DLG2: variants seen among roughly 807,000 people sequenced by gnomAD.
DLG2 encodes disks large homolog 2.
Under a neutral mutation model 132.5 loss-of-function variants are expected in DLG2, and 45 were observed. The ratio of observed to expected loss-of-function variants is 0.34; its 90% CI spans 0.27 to 0.44. The LOEUF (loss-of-function observed/expected upper bound fraction) is 0.44, where lower values mean the gene tolerates loss of function less well. Ranked by LOEUF, DLG2 falls within the 20% of genes least tolerant of loss-of-function variation. DLG2 has a pLI of 1.00. For missense variants in DLG2, 1,045 were observed against 1,196.9 expected (o/e 0.87, Z 1.87); for synonymous variants, 424 against 419.6 (o/e 1.01, Z -0.13).
intron 6 of DLG2, among the ~76,000 whole-genome samples, chr11:84,987,443 A>C (rs2056620296): frequency 6.6e-6 from 1 of 152,134 alleles, no homozygotes; most frequent in African/African-American, 2.4e-5. Context: ...GGAAGCAAAA[A>C]AGAGCCTGCA....
At chr11:84,973,847 T>C (rs903886621) in intron 6 of DLG2, among the ~76,000 whole-genome samples, 5 of 152,182 alleles carry the variant, frequency 3.3e-5, no homozygotes, top group Non-Finnish European at 7.3e-5. Context: ...TTATAGATAC[T>C]GAAATTTGAA....
At chr11:85,170,491 G>A (rs1176266717) in intron 4 of DLG2, among the ~76,000 whole-genome samples, 1 of 152,060 alleles carries the variant, frequency 6.6e-6, no homozygotes, top group Non-Finnish European at 1.5e-5. Flanking sequence ...AAAATAGTGG[G>A]GAAAGGTGAA....
intron 18 of DLG2, among the ~76,000 whole-genome samples, chr11:83,756,847 A>G (rs1225734563): frequency 6.8e-6 from 1 of 146,350 alleles, no homozygotes; most frequent in East Asian, 1.9e-4. Flanking sequence ...TTTGTATGAG[A>G]AAAACCCATT....
chr11:85,471,691 G>C (rs1483254537), intron 3 of DLG2, among the ~76,000 whole-genome samples: 1 of 152,130 alleles, frequency 6.6e-6, no homozygotes, highest in Non-Finnish European at 1.5e-5. Context: ...GGAAGGTTAA[G>C]AGATACAGAA....
intron 6 of DLG2, among the ~76,000 whole-genome samples, chr11:84,730,115 G>T (rs1471536249): frequency 2.0e-5 from 3 of 151,882 alleles, no homozygotes; most frequent in Non-Finnish European, 2.9e-5. Flanking sequence ...AATAAAAGAA[G>T]AACTCTTCTT....
intron 3 of DLG2, among the ~76,000 whole-genome samples, chr11:85,558,749 A>G (rs746229335): frequency 4.0e-5 from 6 of 151,798 alleles, no homozygotes; most frequent in Non-Finnish European, 7.4e-5. Flanking sequence ...TTGGATACTC[A>G]TGGGCATAAA....
intron 19 of DLG2, 39 bp downstream of exon 19, chr11:83,633,172 G>A: frequency 2.5e-6 from 4 of 1,582,702 alleles, no homozygotes; most frequent in Non-Finnish European, 3.5e-6. Context: ...AAGTTGAATT[G>A]CTCACAAAGT....
intron 18 of DLG2, among the ~76,000 whole-genome samples, chr11:83,640,903 A>T (rs1454406853): frequency 6.6e-6 from 1 of 152,174 alleles, no homozygotes; most frequent in African/African-American, 2.4e-5. Flanking sequence ...TTGGGGTTCA[A>T]AGCAGTACCT....
chr11:85,037,914 A>T (rs954924711), intron 6 of DLG2, among the ~76,000 whole-genome samples: 18 of 152,158 alleles, frequency 1.2e-4, no homozygotes, highest in Non-Finnish European at 2.6e-4. Flanking sequence ...AGTATGTGGC[A>T]TATTGGAAAT....
At chr11:84,684,990 T>C (rs2099736818) in intron 6 of DLG2, among the ~76,000 whole-genome samples, 1 of 152,228 alleles carries the variant, frequency 6.6e-6, no homozygotes, top group Non-Finnish European at 1.5e-5. Flanking sequence ...TTATTTGCAA[T>C]TTATCTCTTT....
chr11:84,076,947 T>A (rs2096837869), intron 10 of DLG2, among the ~76,000 whole-genome samples: 1 of 152,214 alleles, frequency 6.6e-6, no homozygotes, highest in Admixed American at 6.5e-5. Context: ...CTCCTTTCTA[T>A]TCCTATTACA....
At position 85,561,331 on chromosome 11, in the gene DLG2, CAAAAAAAAAAAAAAAAAA is replaced by C. The variant is rs1162562595; in HGVS notation, c.40+37308_40+37325del. Among the ~76,000 whole-genome samples, 41 of 12,514 alleles carry C rather than the reference CAAAAAAAAAAAAAAAAAA, an allele frequency of 3.3e-3. 2 individuals carry two copies. The highest frequency in any genetic ancestry group is 0.022 in the Admixed American group (16 of 718). The allele number at this position is 12,514 out of a possible 152,430, so 8.2% of individuals were successfully genotyped here. The stretch of plus-strand genomic sequence containing the variant: ...TAGGTGACAGAGCAAGACCCTATCT[CAAAAAAAAAAAAAAAAAA>C]AAAAAAAAAAAAAAAAAAATAGCTG... On this transcript the variant is annotated intron_variant, in intron 3 of 27. Transcript: ENST00000376104.
intron 9 of DLG2, among the ~76,000 whole-genome samples, chr11:84,101,400 T>A (rs2092510502): frequency 6.6e-6 from 1 of 152,148 alleles, no homozygotes; most frequent in African/African-American, 2.4e-5. Context: ...CATTTTGGAT[T>A]TTAAATACTT....
intron 4 of DLG2, among the ~76,000 whole-genome samples, chr11:85,211,584 C>T (rs994667603): frequency 1.3e-5 from 2 of 152,070 alleles, no homozygotes; most frequent in African/African-American, 4.8e-5. Context: ...CTCAAGATTA[C>T]ACTGATTGGC....
chr11:84,642,838 G>T (rs1000227983), intron 6 of DLG2, among the ~76,000 whole-genome samples: 18 of 145,778 alleles, frequency 1.2e-4, no homozygotes, highest in African/African-American at 4.9e-4. Context: ...ACAAAGAAAA[G>T]ACAAAGTCTT....
intron 7 of DLG2, among the ~76,000 whole-genome samples, chr11:84,252,744 T>C (rs904319528): frequency 6.6e-6 from 1 of 152,166 alleles, no homozygotes; most frequent in Non-Finnish European, 1.5e-5. Context: ...ACAACAACTT[T>C]TGCTTTATCC....
chr11:83,948,114 C>G, intron 14 of DLG2, among the ~76,000 whole-genome samples: 1 of 152,104 alleles, frequency 6.6e-6, no homozygotes, highest in Non-Finnish European at 1.5e-5. Context: ...TTTCGTTTTG[C>G]CTTCATCTCT....
intron 6 of DLG2, among the ~76,000 whole-genome samples, chr11:84,645,584 C>T (rs2099673745): frequency 6.6e-6 from 1 of 152,166 alleles, no homozygotes; most frequent in Admixed American, 6.5e-5. Context: ...TTTCCTGCCT[C>T]AGCCTCCTGA....
intron 6 of DLG2, among the ~76,000 whole-genome samples, chr11:84,587,676 G>A (rs1245173390): frequency 1.3e-5 from 2 of 152,102 alleles, no homozygotes; most frequent in Non-Finnish European, 2.9e-5. Context: ...CACTTAGTGG[G>A]CAGGTTTATT....
Sources: gnomAD v4.1 joint callset for allele counts (sites outside exome capture counted in the v4.1 genomes callset) on GRCh38, gnomAD v4.1.1 for gene constraint, MANE v1.5 for transcripts, NCBI Gene and HGNC (gene_info 2026-07-23, HGNC 2026-07-21) for gene names.